TRIM2: variants seen among roughly 807,000 people sequenced by gnomAD.
The protein encoded by TRIM2 is tripartite motif containing 2.
Under a neutral mutation model 75.2 loss-of-function variants are expected in TRIM2, and 20 were observed. That is an observed-to-expected ratio of 0.27 (90% confidence interval 0.19 to 0.39). The LOEUF (loss-of-function observed/expected upper bound fraction) is 0.39. TRIM2 is among the 10% of genes least tolerant of loss of function. The probability of loss-of-function intolerance (pLI) is 1.00; values close to 1 mark genes in which losing one functional copy is unlikely to be tolerated. For missense variants in TRIM2, 660 were observed against 990.8 expected, an observed-to-expected ratio of 0.67 and a Z score of 4.48; for synonymous variants, 373 against 388.3, an observed-to-expected ratio of 0.96 and a Z score of 0.46.
At chr4:153,166,472 T>TTCCC (rs1215171902) in intron 1 of TRIM2, among the ~76,000 whole-genome samples, 4 of 151,796 alleles carry the variant, frequency 2.6e-5, no homozygotes, top group Non-Finnish European at 4.4e-5. Flanking sequence ...TGGAAGGATT[T>TTCCC]TCCCTCCCTC....
chr4:153,328,496 G>A (rs1216727796), intron 10 of TRIM2, 34 bp from the exon 11 acceptor site: 1 of 1,565,570 alleles, frequency 6.4e-7, no homozygotes, highest in Non-Finnish European at 8.7e-7. Flanking sequence ...GTATTTTGAT[G>A]TAAAACAAAA....
chr4:153,236,263 A>C (rs1168971010), intron 1 of TRIM2, among the ~76,000 whole-genome samples: 1 of 152,044 alleles, frequency 6.6e-6, no homozygotes, highest in African/African-American at 2.4e-5. Flanking sequence ...GAATGCATGG[A>C]TACAGTTAAG....
chr4:153,195,105 G>A (rs1733629872), intron 1 of TRIM2, among the ~76,000 whole-genome samples: 1 of 152,148 alleles, frequency 6.6e-6, no homozygotes, highest in South Asian at 2.1e-4. Context: ...GATTAGGGTG[G>A]GCCTTAAATC....
intron 1 of TRIM2, among the ~76,000 whole-genome samples, chr4:153,215,264 C>G (rs1031193596): frequency 6.6e-6 from 1 of 152,070 alleles, no homozygotes; most frequent in Non-Finnish European, 1.5e-5. Context: ...TCTAGACATA[C>G]CTCCTCCTCT....
At chr4:153,190,303 A>G (rs1476769985) in intron 1 of TRIM2, among the ~76,000 whole-genome samples, 2 of 152,262 alleles carry the variant, frequency 1.3e-5, no homozygotes, top group East Asian at 1.9e-4. Context: ...AGCCAGATGG[A>G]AACAAACAGA....
chr4:153,249,937 T>G (rs1021028372), intron 1 of TRIM2, among the ~76,000 whole-genome samples: 1 of 152,014 alleles, frequency 6.6e-6, no homozygotes, highest in Non-Finnish European at 1.5e-5. Flanking sequence ...ATAGATAGAG[T>G]CAACTTTGAA....
chr4:153,260,701 C>CCCA (rs1560902977), intron 1 of TRIM2, among the ~76,000 whole-genome samples: 5 of 34,182 alleles, frequency 1.5e-4, no homozygotes, highest in African/African-American at 4.5e-4. Context: ...CCCCCCCCCC[C>CCCA]ACACACACAC....
intron 3 of TRIM2, among the ~76,000 whole-genome samples, chr4:153,278,102 T>G (rs1393188550): frequency 6.6e-6 from 1 of 152,106 alleles, no homozygotes; most frequent in Non-Finnish European, 1.5e-5. Context: ...TTATGGGTTT[T>G]TTAGTTTTTG....
intron 1 of TRIM2, among the ~76,000 whole-genome samples, chr4:153,175,949 C>T (rs549037035): frequency 2.2e-4 from 33 of 151,830 alleles, no homozygotes; most frequent in African/African-American, 7.5e-4. Context: ...GAGGCTGAGG[C>T]GAGAGAATCA....
At chr4:153,152,757 T>C (rs1477339223), upstream of TRIM2, 2 of 151,894 alleles carry the variant, frequency 1.3e-5, no homozygotes, top group Non-Finnish European at 2.9e-5. Context: ...CCAGTAGAAA[T>C]AGGGACGAGT....
intron 1 of TRIM2, among the ~76,000 whole-genome samples, chr4:153,258,562 T>C (rs1752648598): frequency 6.6e-6 from 1 of 152,194 alleles, no homozygotes; most frequent in Non-Finnish European, 1.5e-5. Flanking sequence ...CAGTTTGTTT[T>C]AAATTAAAAA....
At chr4:153,270,596 A>G in intron 2 of TRIM2, 77 bp downstream of exon 2, 1 of 1,297,146 alleles carries the variant, frequency 7.7e-7, no homozygotes, top group Admixed American at 2.4e-5. Context: ...TCTTTCCCAG[A>G]ATTCTACAGT....
intron 1 of TRIM2, chr4:153,266,975 C>T (rs1273442781): frequency 2.1e-5 from 3 of 144,638 alleles, no homozygotes; most frequent in South Asian, 2.2e-4. Context: ...TGGTTGTGAT[C>T]GGTTACCTGT....
chr4:153,296,098 C>T (rs1762709082), intron 6 of TRIM2, 62 bp downstream of exon 6: 3 of 1,491,070 alleles, frequency 2.0e-6, no homozygotes, highest in South Asian at 1.4e-5. Context: ...TAACTGGGCA[C>T]GTGTCATTGC....
chr4:153,307,999 A>G, intron 6 of TRIM2: 1 of 762,892 alleles, frequency 1.3e-6, no homozygotes, highest in Non-Finnish European at 2.5e-6. Context: ...AGGTTCAGGA[A>G]AGAATTTTCC....
intron 1 of TRIM2, among the ~76,000 whole-genome samples, chr4:153,250,355 AG>A (rs1417310877): frequency 1.3e-5 from 2 of 152,146 alleles, no homozygotes; most frequent in Non-Finnish European, 1.5e-5. Context: ...CCTGATCTCA[AG>A]GGATCTGCCC....
intron 6 of TRIM2, among the ~76,000 whole-genome samples, chr4:153,313,803 G>A (rs1193315425): frequency 6.6e-6 from 1 of 150,866 alleles, no homozygotes; most frequent in Non-Finnish European, 1.5e-5. Context: ...TGCCCAGTTA[G>A]TTTTTGTATT....
chr4:153,169,834 C>T (rs1296860814), intron 1 of TRIM2, among the ~76,000 whole-genome samples: 1 of 152,214 alleles, frequency 6.6e-6, no homozygotes, highest in Non-Finnish European at 1.5e-5. Context: ...TGGCATCTTT[C>T]CATGCCTAAA....
chr4:153,243,143 C>G (rs1000554646), intron 1 of TRIM2, among the ~76,000 whole-genome samples: 1 of 152,198 alleles, frequency 6.6e-6, no homozygotes, highest in Non-Finnish European at 1.5e-5. Context: ...GGTGGAGAGG[C>G]CCTGCCAAGG....
Sources: allele counts gnomAD v4.1 joint callset (sites outside exome capture counted in the v4.1 genomes callset), GRCh38; gene constraint gnomAD v4.1.1; transcripts MANE v1.5; gene names NCBI Gene and HGNC (gene_info 2026-07-23, HGNC 2026-07-21).